Variants in KIFAP3 observed in about 807,000 individuals in gnomAD.
KIFAP3 encodes kinesin-associated protein 3.
A neutral mutation model predicts 106.5 loss-of-function variants in KIFAP3; 68 were observed. The ratio of observed to expected loss-of-function variants is 0.64; its 90% confidence interval spans 0.53 to 0.78. The LOEUF (loss-of-function observed/expected upper bound fraction) is 0.78, where lower values mean the gene tolerates loss of function less well. Among genes scored for constraint, KIFAP3 ranks in the 30% least tolerant of loss-of-function variants. The probability of loss-of-function intolerance (pLI) is 0.00; values close to 1 mark genes in which losing one functional copy is unlikely to be tolerated. For synonymous variants in KIFAP3, 320 were observed against 311.5 expected (o/e 1.03, Z -0.29); for missense variants, 780 against 941.8 (o/e 0.83, Z 2.25).
intron 19 of KIFAP3, among the ~76,000 whole-genome samples, chr1:169,923,543 G>A (rs948557879): frequency 2.6e-5 from 4 of 152,124 alleles, no homozygotes; most frequent in Non-Finnish European, 5.9e-5. Flanking sequence ...TCTTCAACCA[G>A]TCCTTATCTT....
chr1:170,080,907 G>A (rs1410650337), intron 1 of KIFAP3, among the ~76,000 whole-genome samples: 1 of 152,112 alleles, frequency 6.6e-6, no homozygotes, highest in African/African-American at 2.4e-5. Context: ...TGAATGAAGT[G>A]TAGAAACTGC....
At chr1:170,065,524 G>C (rs750737604) in intron 1 of KIFAP3, among the ~76,000 whole-genome samples, 2 of 143,724 alleles carry the variant, frequency 1.4e-5, no homozygotes, top group African/African-American at 2.6e-5. Flanking sequence ...TGAGGCAGGA[G>C]AATGGCGTGA....
intron 14 of KIFAP3, 114 bp downstream of exon 14, chr1:169,982,588 A>G: frequency 1.6e-6 from 1 of 613,304 alleles, no homozygotes; most frequent in Non-Finnish European, 2.7e-6. Flanking sequence ...AGCTGTGAGA[A>G]GAAATGGCTT....
At chr1:169,941,952 A>G (rs1466327343) in intron 19 of KIFAP3, among the ~76,000 whole-genome samples, 4 of 152,210 alleles carry the variant, frequency 2.6e-5, no homozygotes, top group Non-Finnish European at 5.9e-5. Flanking sequence ...TGATTTTGAA[A>G]TTCTATTGAT....
intron 1 of KIFAP3, among the ~76,000 whole-genome samples, chr1:170,066,178 C>G (rs1044612915): frequency 2.4e-5 from 2 of 83,338 alleles, no homozygotes; most frequent in Non-Finnish European, 5.6e-5. Flanking sequence ...TGCCTACACC[C>G]CCCCCCCCAT....
intron 8 of KIFAP3, among the ~76,000 whole-genome samples, chr1:170,025,924 C>T (rs1468164414): frequency 6.6e-6 from 1 of 152,142 alleles, no homozygotes; most frequent in Non-Finnish European, 1.5e-5. Flanking sequence ...CAGGATGTGC[C>T]TTATTTGGAA....
At chr1:169,936,210 T>TG (rs146376098) in intron 19 of KIFAP3, among the ~76,000 whole-genome samples, 151,861 of 151,918 alleles carry the variant, frequency 1, 75,902 homozygotes, top group Middle Eastern at 1. Context: ...CTTGTTCCCT[T>TG]GGAACATTTT....
intron 8 of KIFAP3, among the ~76,000 whole-genome samples, chr1:170,025,718 G>A (rs1383653821): frequency 6.6e-6 from 1 of 152,128 alleles, no homozygotes; most frequent in Non-Finnish European, 1.5e-5. Flanking sequence ...AAGTGGTAGT[G>A]CTAAATTAAA....
chr1:170,043,570 C>T (rs1330860865), intron 3 of KIFAP3, among the ~76,000 whole-genome samples: 1 of 152,134 alleles, frequency 6.6e-6, no homozygotes, highest in Non-Finnish European at 1.5e-5. Flanking sequence ...TCAGCTTCTC[C>T]TCATGGTTCT....
intron 15 of KIFAP3, among the ~76,000 whole-genome samples, chr1:169,981,403 T>A (rs920498911): frequency 2.6e-5 from 4 of 152,134 alleles, no homozygotes; most frequent in African/African-American, 9.7e-5. Context: ...CCATCTCAGT[T>A]ATCAGGTCCA....
At chr1:169,961,355 A>T (rs1665321340) in intron 17 of KIFAP3, 120 bp from the exon 18 acceptor site, 1 of 649,512 alleles carries the variant, frequency 1.5e-6, no homozygotes, top group Non-Finnish European at 2.7e-6. Context: ...GAAGCACTAC[A>T]AATACCTGTT....
At chr1:169,923,310 G>C (rs548188507) in intron 19 of KIFAP3, among the ~76,000 whole-genome samples, 1 of 152,218 alleles carries the variant, frequency 6.6e-6, no homozygotes, top group African/African-American at 2.4e-5. Context: ...TTTGTGATGA[G>C]GAAATCAAGA....
intron 10 of KIFAP3, among the ~76,000 whole-genome samples, chr1:170,013,168 T>C (rs1668328170): frequency 6.6e-6 from 1 of 152,122 alleles, no homozygotes; most frequent in African/African-American, 2.4e-5. Context: ...TCTTGAACTT[T>C]ACAGCTTCCA....
chr1:169,959,142 A>G (rs1665183565), intron 18 of KIFAP3, among the ~76,000 whole-genome samples: 1 of 152,212 alleles, frequency 6.6e-6, no homozygotes, highest in Admixed American at 6.5e-5. Context: ...GGAGACGCAG[A>G]GGCTTAAAAA....
intron 19 of KIFAP3, among the ~76,000 whole-genome samples, chr1:169,949,638 T>A (rs1481630439): frequency 6.6e-6 from 1 of 152,122 alleles, no homozygotes. Context: ...TATACATAAC[T>A]GGAAAAAAGC....
chr1:169,980,340 G>T (rs918792810), intron 15 of KIFAP3, among the ~76,000 whole-genome samples: 1 of 152,078 alleles, frequency 6.6e-6, no homozygotes, highest in Non-Finnish European at 1.5e-5. Context: ...CTTCTTCAGG[G>T]ATCTCATATT....
chr1:169,975,345 TA>T lies in KIFAP3; in HGVS notation c.1897+2739del, dbSNP rs1418419592. ...TACACTAGCTATCTCATATATCAAGTATTCTGTTCAAATTATATCAAATAAT... is the reference window on the plus strand; with the variant it reads ...TACACTAGCTATCTCATATATCAAGTTTCTGTTCAAATTATATCAAATAAT... On this transcript the variant is annotated intron_variant, in intron 16 of 19. Coordinates refer to ENST00000361580, the MANE Select transcript of KIFAP3 (RefSeq NM_014970.4). Among the ~76,000 whole-genome samples the T allele has an allele frequency of 1.1e-4, 17 of 152,190 alleles. 1 individual carries two copies. The highest frequency in any genetic ancestry group is 3.9e-4 in the African/African-American group (16 of 41,548).
intron 9 of KIFAP3, among the ~76,000 whole-genome samples, chr1:170,018,537 A>T (rs919680740): frequency 6.6e-6 from 1 of 152,156 alleles, no homozygotes; most frequent in African/African-American, 2.4e-5. Flanking sequence ...ATGATTTTTC[A>T]ATCAAAGGAT....
At chr1:170,080,726 T>C (rs1672006438) in intron 1 of KIFAP3, among the ~76,000 whole-genome samples, 2 of 152,158 alleles carry the variant, frequency 1.3e-5, no homozygotes, top group Non-Finnish European at 2.9e-5. Flanking sequence ...TAGTTACATC[T>C]TCCATAAATG....
Sources: gnomAD v4.1 joint callset for allele counts (sites outside exome capture counted in the v4.1 genomes callset) on GRCh38, gnomAD v4.1.1 for gene constraint, MANE v1.5 for transcripts, NCBI Gene and HGNC (gene_info 2026-07-23, HGNC 2026-07-21) for gene names.